DNAJC7: variants seen among roughly 807,000 people sequenced by gnomAD.
The protein encoded by DNAJC7 is dnaJ homolog subfamily C member 7.
Under a neutral mutation model 67.4 loss-of-function variants are expected in DNAJC7, and 18 were observed. The observed-to-expected ratio is 0.27, with a 90% CI of 0.18 to 0.40. The LOEUF (loss-of-function observed/expected upper bound fraction) is 0.40, where lower values mean the gene tolerates loss of function less well. DNAJC7 is among the 10% of genes least tolerant of loss of function. DNAJC7 has a pLI of 1.00. For missense variants in DNAJC7, 419 were observed against 613.8 expected (o/e 0.68, Z 3.35); for synonymous variants, 220 against 207.8 (o/e 1.06, Z -0.50).
chr17:41,982,686 A>C (rs1293829842), intron 10 of DNAJC7, among the ~76,000 whole-genome samples: 1 of 152,184 alleles, frequency 6.6e-6, no homozygotes, highest in African/African-American at 2.4e-5. Flanking sequence ...GCACGAAAGA[A>C]AGGAGGGGCC....
chr17:41,981,062 G>A (rs1350251521), intron 12 of DNAJC7, among the ~76,000 whole-genome samples: 2 of 152,044 alleles, frequency 1.3e-5, no homozygotes, highest in Non-Finnish European at 2.9e-5. Flanking sequence ...GAGGGATGGA[G>A]TCTCACTCTG....
intron 1 of DNAJC7, among the ~76,000 whole-genome samples, chr17:42,011,971 T>C (rs1201068658): frequency 2.0e-5 from 3 of 152,322 alleles, no homozygotes; most frequent in South Asian, 2.1e-4. Flanking sequence ...GGCAAAATCC[T>C]AATCGCAAAG....
chr17:41,990,916 G>A (rs1555647688), intron 5 of DNAJC7, among the ~76,000 whole-genome samples: 1 of 152,030 alleles, frequency 6.6e-6, no homozygotes, highest in African/African-American at 2.4e-5. Context: ...GTCCTCCTCA[G>A]CCTCCCGAAG....
At chr17:41,997,025 G>A (rs2051678932) in intron 3 of DNAJC7, 90 bp downstream of exon 3, 1 of 1,582,426 alleles carries the variant, frequency 6.3e-7, no homozygotes, top group African/African-American at 1.3e-5. Context: ...GGTCCCAAAT[G>A]TCAGTAGTGT....
At chr17:41,982,488 G>A (rs2051275345) in intron 10 of DNAJC7, 87 bp from the exon 11 acceptor site, 3 of 1,522,042 alleles carry the variant, frequency 2.0e-6, no homozygotes, top group Admixed American at 2.0e-5. Flanking sequence ...GGGAGTTAGA[G>A]GCCTTGTTAA....
intron 9 of DNAJC7, 176 bp downstream of exon 9, chr17:41,987,643 A>G: frequency 1.9e-6 from 1 of 533,148 alleles, no homozygotes. Context: ...AGCTTGTGCA[A>G]TCTCCTCCGC....
intron 2 of DNAJC7, among the ~76,000 whole-genome samples, chr17:41,999,207 C>A (rs1349822273): frequency 6.6e-6 from 1 of 151,728 alleles, no homozygotes; most frequent in African/African-American, 2.4e-5. Flanking sequence ...CTCAGCCTCC[C>A]GAGTAGCTGG....
At chr17:41,998,037 A>AT (rs1470718061) in intron 2 of DNAJC7, among the ~76,000 whole-genome samples, 1 of 151,916 alleles carries the variant, frequency 6.6e-6, no homozygotes, top group African/African-American at 2.4e-5. Flanking sequence ...TAATTTTTGT[A>AT]TTTTTTGTTG....
intron 4 of DNAJC7, 67 bp from the exon 5 acceptor site, chr17:41,995,011 T>A: frequency 7.4e-7 from 1 of 1,353,190 alleles, no homozygotes; most frequent in Non-Finnish European, 1.1e-6. Context: ...ACAAAAAAAT[T>A]AACAAGGCCT....
intron 1 of DNAJC7, among the ~76,000 whole-genome samples, chr17:42,004,853 C>G (rs1329019305): frequency 6.6e-5 from 10 of 152,150 alleles, no homozygotes; most frequent in Non-Finnish European, 1.5e-4. Context: ...CAGGGAGACT[C>G]TGTCTCTACA....
In DNAJC7 at chr17:41,976,750, A is replaced by C; in HGVS notation, c.1468T>G (p.Phe490Val). ...SFEASGPGNF[F>V]FQFG ...GCCCTTCATTAGCCAAATTGAAAAA[A>C]GAAATTCCCTGGACCAGATGCTGAA... Residue 490 changes from phenylalanine to valine, a missense_variant, in exon 14 of 14, where the codon TTT (phenylalanine) becomes GTT (valine). Physicochemically the swap from Phe to Val is conservative, Grantham distance 50. Coordinates refer to ENST00000457167, the MANE Select transcript of DNAJC7 (RefSeq NM_003315.4). 1 of 1,611,370 alleles carries C rather than the reference A, an allele frequency of 6.2e-7. No individual in the cohort carries two copies. The highest frequency in any genetic ancestry group is 8.5e-7 in the Non-Finnish European group (1 of 1,179,446).
chr17:41,998,209 C>T (rs546200893), intron 2 of DNAJC7, among the ~76,000 whole-genome samples: 141 of 152,226 alleles, frequency 9.3e-4, no homozygotes, highest in Non-Finnish European at 1.4e-3. Context: ...GTGGCTCACA[C>T]CTATAATCTC....
intron 1 of DNAJC7, among the ~76,000 whole-genome samples, chr17:42,010,800 C>A (rs1413640227): frequency 1.3e-5 from 2 of 152,150 alleles, no homozygotes; most frequent in African/African-American, 4.8e-5. Context: ...CCTCCCCACA[C>A]AAATTGTAAG....
chr17:41,990,618 T>G (rs1439686952), intron 5 of DNAJC7, among the ~76,000 whole-genome samples: 1 of 151,918 alleles, frequency 6.6e-6, no homozygotes, highest in Non-Finnish European at 1.5e-5. Flanking sequence ...CTTTCATATA[T>G]GAACCCATTT....
chr17:41,979,066 C>T (rs1555645446), intron 12 of DNAJC7, among the ~76,000 whole-genome samples: 2 of 152,030 alleles, frequency 1.3e-5, no homozygotes, highest in South Asian at 2.1e-4. Flanking sequence ...CGGCTGGGTG[C>T]GGTGGCTCAC....
chr17:41,987,980 G>A (rs186956269), intron 8 of DNAJC7, 70 bp from the exon 9 acceptor site: 6 of 1,324,114 alleles, frequency 4.5e-6, no homozygotes, highest in African/African-American at 1.4e-5. Flanking sequence ...CTGTGAGCAT[G>A]GCTTCAAAAC....
chr17:42,006,796 C>CAAAAAA lies in DNAJC7; in HGVS notation c.78-6232_78-6227dup, dbSNP rs57155070. On this transcript the variant is annotated intron_variant, in intron 1 of 13. Transcript: ENST00000457167. ...TGGGCAACAGAGCAAGACTCCGTCT[C>CAAAAAA]AAAAAAAAAAAAAAAAAAAAAAGTC... Among the ~76,000 whole-genome samples the CAAAAAA allele has an allele frequency of 5.0e-3, 117 of 23,336 alleles. 49 individuals are homozygous for CAAAAAA. Among genetic ancestry groups the CAAAAAA allele is most frequent in the East Asian group, 0.018 (12 of 658 alleles). 15.3% of individuals were successfully genotyped at this position (23,336 alleles called of 152,430 possible).
chr17:41,982,593 T>C (rs2051278170), intron 10 of DNAJC7, among the ~76,000 whole-genome samples, 192 bp from the exon 11 acceptor site: 1 of 151,938 alleles, frequency 6.6e-6, no homozygotes, highest in Non-Finnish European at 1.5e-5. Flanking sequence ...TCGCAGCACT[T>C]TGGGAGGCCT....
At chr17:41,984,297 ATCTTTTTT>A (rs1286304818) in intron 9 of DNAJC7, 7 of 145,828 alleles carry the variant, frequency 4.8e-5, no homozygotes, top group African/African-American at 1.8e-4. Flanking sequence ...TGATTGCGAG[ATCTTTTTT>A]TTTTTTTTTT....
Sources: allele counts gnomAD v4.1 joint callset (sites outside exome capture counted in the v4.1 genomes callset), GRCh38; gene constraint gnomAD v4.1.1; transcripts MANE v1.5; gene names NCBI Gene and HGNC (gene_info 2026-07-23, HGNC 2026-07-21).